Variants in NOMO1 observed in about 807,000 individuals in gnomAD.
NOMO1 encodes the protein NODAL modulator 1, also known as nodal modulator 3.
In NOMO1, 40 loss-of-function variants were observed where a neutral mutation model predicts 133.8. The ratio of observed to expected loss-of-function variants is 0.30; its 90% CI spans 0.23 to 0.39. NOMO1 has a LOEUF of 0.39. NOMO1 is among the 10% of genes least tolerant of loss of function. NOMO1 has a pLI of 1.00. For missense variants in NOMO1, 462 were observed against 1,419.9 expected (o/e 0.33, Z 10.84); for synonymous variants, 236 against 570.5 (o/e 0.41, Z 8.36).
chr16:14,885,156 C>T (rs1176641962), intron 27 of NOMO1, among the ~76,000 whole-genome samples: 1 of 152,084 alleles, frequency 6.6e-6, no homozygotes, highest in Non-Finnish European at 1.5e-5. Flanking sequence ...CCCAAAGATC[C>T]GATCATCTCC....
intron 27 of NOMO1, among the ~76,000 whole-genome samples, chr16:14,885,652 T>G: frequency 6.7e-6 from 1 of 148,498 alleles, no homozygotes; most frequent in African/African-American, 2.5e-5. Context: ...GTGCAGAGGG[T>G]TGGGTAGGGT....
chr16:14,886,113 C>T lies in NOMO1; in HGVS notation c.3223-648C>T, dbSNP rs536329498. On this transcript the variant is annotated intron_variant, in intron 27 of 30. Coordinates refer to ENST00000287667, the MANE Select transcript of NOMO1 (RefSeq NM_014287.4). Reference sequence around the variant, plus strand: ...CCTTAACCCTGCTCATGCCCCATGCCGTGTGGGAGTGAGAACAGGCAAGAA... The same window carrying T: ...CCTTAACCCTGCTCATGCCCCATGCTGTGTGGGAGTGAGAACAGGCAAGAA... Among the ~76,000 whole-genome samples the T allele has an allele frequency of 9.9e-5, 15 of 152,102 alleles. No homozygotes were observed. The South Asian group carries it at 2.5e-3, about 25-fold the overall frequency.
At chr16:14,860,058 T>C (rs1963899424) in intron 11 of NOMO1, among the ~76,000 whole-genome samples, 2 of 151,810 alleles carry the variant, frequency 1.3e-5, no homozygotes, top group Non-Finnish European at 2.9e-5. Flanking sequence ...CCTAATGCAG[T>C]GGAAACCCGT....
chr16:14,876,042 G>A (rs1172134031), intron 20 of NOMO1, among the ~76,000 whole-genome samples: 3 of 125,230 alleles, frequency 2.4e-5, no homozygotes, highest in Non-Finnish European at 3.5e-5. Flanking sequence ...TGAGCAGCAC[G>A]GCCTCCTGTC....
chr16:14,860,861 T>C (rs753084018), intron 11 of NOMO1, among the ~76,000 whole-genome samples: 1 of 151,942 alleles, frequency 6.6e-6, no homozygotes, highest in South Asian at 2.1e-4. Flanking sequence ...TTTTCCTTTT[T>C]ATTTTTTTTT....
intron 9 of NOMO1, among the ~76,000 whole-genome samples, chr16:14,855,522 G>A (rs891841910): frequency 9.2e-5 from 14 of 151,846 alleles, no homozygotes; most frequent in South Asian, 2.1e-4. Flanking sequence ...TGGCAGAAGC[G>A]GACTTTTAGG....
intron 28 of NOMO1, chr16:14,888,355 C>G (rs1220611853): frequency 6.7e-6 from 1 of 148,930 alleles, no homozygotes; most frequent in Non-Finnish European, 1.5e-5. Flanking sequence ...GGTCACACTT[C>G]CCCTGAGTTC....
rs190501278 is a variant in NOMO1 at position 14,850,077 on chromosome 16, T to C, written c.582+1106T>C. 1.1e-3 allele frequency among the ~76,000 whole-genome samples: 158 copies of C among 148,382 alleles called. 4 individuals carry two copies. The highest frequency in any genetic ancestry group is 3.6e-3 in the African/African-American group (144 of 40,406). On this transcript the variant is annotated intron_variant, in intron 6 of 30. Coordinates refer to ENST00000287667, the MANE Select transcript of NOMO1 (RefSeq NM_014287.4). ...CTGCCCCTAGCTAAGGATACAGTCT[T>C]TTTTTTTTTTGAGATGAAGTCTTGC...
At chr16:14,847,009 T>G in intron 5 of NOMO1, among the ~76,000 whole-genome samples, 1 of 151,946 alleles carries the variant, frequency 6.6e-6, no homozygotes, top group Non-Finnish European at 1.5e-5. Flanking sequence ...CCTGGACAAC[T>G]TAGGGAGACT....
intron 9 of NOMO1, among the ~76,000 whole-genome samples, chr16:14,855,529 T>C (rs1010244923): frequency 1.3e-5 from 2 of 151,886 alleles, no homozygotes; most frequent in African/African-American, 4.9e-5. Context: ...AGCGGACTTT[T>C]AGGTCATATG....
intron 3 of NOMO1, among the ~76,000 whole-genome samples, chr16:14,842,597 G>A (rs955300847): frequency 1.3e-5 from 2 of 151,744 alleles, no homozygotes; most frequent in Non-Finnish European, 2.9e-5. Context: ...TTTTCACTAA[G>A]TGAACACACC....
intron 20 of NOMO1, 101 bp downstream of exon 20, chr16:14,875,523 T>C (rs1431032943): frequency 1.4e-6 from 1 of 700,326 alleles, no homozygotes; most frequent in Non-Finnish European, 2.4e-6. Flanking sequence ...AAGCCATCTT[T>C]GTAAGCCACC....
At position 14,866,319 on chromosome 16, in the gene NOMO1, C is replaced by A. The variant is rs941997518; in HGVS notation, c.1670-236C>A. Among the ~76,000 whole-genome samples, 10 of 150,672 alleles carry A rather than the reference C, an allele frequency of 6.6e-5. 2 individuals are homozygous for A. Among genetic ancestry groups the A allele is most frequent in the African/African-American group, 2.2e-4 (9 of 40,570 alleles). Reference sequence around the variant, plus strand: ...AAGCCATCCAAGTGCGTCGGCCTCCCAGAGTGCTGGGATTATAGGCATGAG... The same window carrying A: ...AAGCCATCCAAGTGCGTCGGCCTCCAAGAGTGCTGGGATTATAGGCATGAG... On this transcript the variant is annotated intron_variant, in intron 14 of 30. Transcript: ENST00000287667.
intron 6 of NOMO1, among the ~76,000 whole-genome samples, chr16:14,850,075 C>T (rs1046471427): frequency 7.0e-6 from 1 of 143,684 alleles, no homozygotes; most frequent in Admixed American, 7.0e-5. Context: ...AGGATACAGT[C>T]TTTTTTTTTT....
In NOMO1 at chr16:14,851,138, A is replaced by G. The variant is rs1282647566; in HGVS notation, c.583-1292A>G. On this transcript the variant is annotated intron_variant, in intron 6 of 30. Transcript: ENST00000287667. ...TGAAAGAGCTTACACATTTATAAAT[A>G]GAAGAGATTTTAAGGTTTACATTGT... Among the ~76,000 whole-genome samples the G allele has an allele frequency of 7.6e-5, 11 of 144,384 alleles. 1 individual carries two copies. Among genetic ancestry groups the G allele is most frequent in the African/African-American group, 1.7e-4 (7 of 40,480 alleles). The allele number at this position is 144,384 out of a possible 152,430, so 94.7% of individuals were successfully genotyped here.
intron 23 of NOMO1, 147 bp from the exon 24 acceptor site, chr16:14,879,868 G>T: frequency 7.2e-6 from 11 of 1,518,454 alleles, no homozygotes; most frequent in Non-Finnish European, 8.1e-6. Flanking sequence ...TGTGAGTGGT[G>T]ATTATAGAGA....
chr16:14,846,375 A>G (rs1451379532), intron 4 of NOMO1, among the ~76,000 whole-genome samples: 1 of 148,528 alleles, frequency 6.7e-6, no homozygotes, highest in Admixed American at 6.7e-5. Context: ...GATTCATTGA[A>G]ATAGAGTCTT....
At chr16:14,871,337 C>T (rs1470488897) in intron 16 of NOMO1, among the ~76,000 whole-genome samples, 2 of 151,636 alleles carry the variant, frequency 1.3e-5, no homozygotes, top group African/African-American at 2.4e-5. Flanking sequence ...TGCATGGGTC[C>T]GTTCACCTGG....
At chr16:14,864,391 A>T (rs560696678) in intron 12 of NOMO1, among the ~76,000 whole-genome samples, 194 bp from the exon 13 acceptor site, 28 of 152,088 alleles carry the variant, frequency 1.8e-4, no homozygotes, top group Non-Finnish European at 3.2e-4. Context: ...CTAATTTTTC[A>T]TCTGGGTAGA....
Sources: gnomAD v4.1 joint callset for allele counts (sites outside exome capture counted in the v4.1 genomes callset) on GRCh38, gnomAD v4.1.1 for gene constraint, MANE v1.5 for transcripts, NCBI Gene and HGNC (gene_info 2026-07-23, HGNC 2026-07-21) for gene names.